The following AUTS2 variants were observed in gnomAD, a reference collection of about 807,000 sequenced individuals.
AUTS2 encodes activator of transcription and developmental regulator AUTS2, also known as autism susceptibility gene 2 protein.
A neutral mutation model predicts 112.4 loss-of-function variants in AUTS2; 17 were observed. The observed-to-expected ratio is 0.15, with a 90% confidence interval of 0.10 to 0.23. The LOEUF is 0.23. Among genes scored for constraint, AUTS2 ranks in the 10% least tolerant of loss-of-function variants. The probability of loss-of-function intolerance (pLI) is 1.00; values close to 1 mark genes in which losing one functional copy is unlikely to be tolerated. For synonymous variants in AUTS2, 751 were observed against 702.7 expected (o/e 1.07, Z -1.09); for missense variants, 1,510 against 1,701.6 (o/e 0.89, Z 1.98).
At chr7:70,416,478 A>G (rs1213969595) in intron 4 of AUTS2, among the ~76,000 whole-genome samples, 7 of 152,128 alleles carry the variant, frequency 4.6e-5, no homozygotes, top group African/African-American at 1.7e-4. Flanking sequence ...CCCAAGCTCA[A>G]TGCTCTCTCT....
chr7:70,312,742 T>C (rs1192253437), intron 4 of AUTS2, among the ~76,000 whole-genome samples: 1 of 152,208 alleles, frequency 6.6e-6, no homozygotes, highest in African/African-American at 2.4e-5. Context: ...CCAGTACAAC[T>C]TTCTGTCACA....
intron 2 of AUTS2, among the ~76,000 whole-genome samples, chr7:70,085,061 G>A (rs1366733020): frequency 6.6e-6 from 1 of 152,032 alleles, no homozygotes; most frequent in Non-Finnish European, 1.5e-5. Flanking sequence ...CTTTTTTGTA[G>A]AGATAGGGTT....
chr7:70,197,496 G>A (rs1164677377), intron 4 of AUTS2, among the ~76,000 whole-genome samples: 3 of 135,882 alleles, frequency 2.2e-5, no homozygotes, highest in African/African-American at 5.6e-5. Flanking sequence ...CACCGTGCGC[G>A]AGCCGAAGCA....
chr7:70,275,297 A>G (rs1162568869), intron 4 of AUTS2, among the ~76,000 whole-genome samples: 1 of 152,192 alleles, frequency 6.6e-6, no homozygotes, highest in Non-Finnish European at 1.5e-5. Context: ...ATTGAAATAA[A>G]CTACACACAA....
chr7:70,187,472 T>C (rs1379740874), intron 4 of AUTS2, among the ~76,000 whole-genome samples: 2 of 152,192 alleles, frequency 1.3e-5, no homozygotes, highest in African/African-American at 4.8e-5. Context: ...CTTTCAGATA[T>C]ATATAAACTA....
chr7:69,943,696 A>G (rs1394792375), intron 2 of AUTS2, among the ~76,000 whole-genome samples: 1 of 152,196 alleles, frequency 6.6e-6, no homozygotes, highest in East Asian at 1.9e-4. Flanking sequence ...CAAATTTTCC[A>G]TTTACTAAGA....
intron 1 of AUTS2, among the ~76,000 whole-genome samples, chr7:69,841,461 C>T (rs1423932166): frequency 6.6e-6 from 1 of 152,124 alleles, no homozygotes; most frequent in Non-Finnish European, 1.5e-5. Context: ...AAACACCTCC[C>T]ACCACCAGCA....
intron 2 of AUTS2, among the ~76,000 whole-genome samples, chr7:70,117,507 G>T (rs981675621): frequency 1.3e-5 from 2 of 151,520 alleles, no homozygotes; most frequent in African/African-American, 4.8e-5. Flanking sequence ...TTTCATTATT[G>T]AAAAAAAATT....
At chr7:69,954,173 G>A (rs117145867) in intron 2 of AUTS2, among the ~76,000 whole-genome samples, 188 of 152,182 alleles carry the variant, frequency 1.2e-3, no homozygotes, top group Non-Finnish European at 1.7e-3. Context: ...CATAGTTACC[G>A]CTTTTCTTTT....
intron 4 of AUTS2, among the ~76,000 whole-genome samples, chr7:70,216,498 G>A (rs1045444500): frequency 6.6e-6 from 1 of 151,894 alleles, no homozygotes; most frequent in African/African-American, 2.4e-5. Flanking sequence ...CCTTCCTCCC[G>A]CTAGGCCTTA....
At position 69,729,994 on chromosome 7, in the gene AUTS2, A is replaced by ATTTTTTTTTTTT. The variant is rs10684331; in HGVS notation, c.309+130046_309+130057dup. 1.0e-3 allele frequency among the ~76,000 whole-genome samples: 57 copies of ATTTTTTTTTTTT among 56,758 alleles called. 4 individuals are homozygous for ATTTTTTTTTTTT. Among genetic ancestry groups the ATTTTTTTTTTTT allele is most frequent in the African/African-American group, 3.3e-3 (39 of 11,880 alleles). 37.2% of individuals were successfully genotyped at this position (56,758 alleles called of 152,430 possible). A position where few individuals can be genotyped will look rare whatever the true frequency, so the allele number is the denominator to read the frequency against. On this transcript the variant is annotated intron_variant, in intron 1 of 18. Coordinates refer to ENST00000342771, the MANE Select transcript of AUTS2 (RefSeq NM_015570.4). ...GTTTTTTTTTGTTGTTGTTGTTTTAATTTTTTTTTTTTTTTTTTTTTTTTT... is the reference window on the plus strand; with the variant it reads ...GTTTTTTTTTGTTGTTGTTGTTTTAATTTTTTTTTTTTTTTTTTTTTTTTTTTTTTTTTTTTT...
chr7:69,672,545 T>C (rs1254774768), intron 1 of AUTS2, among the ~76,000 whole-genome samples: 1 of 152,220 alleles, frequency 6.6e-6, no homozygotes. Flanking sequence ...GTCAAGATCA[T>C]GTGTCTCACC....
intron 4 of AUTS2, among the ~76,000 whole-genome samples, chr7:70,144,151 C>T (rs1207416433): frequency 6.6e-6 from 1 of 152,014 alleles, no homozygotes; most frequent in African/African-American, 2.4e-5. Flanking sequence ...AGAACATTTG[C>T]CTCTTACCAT....
intron 4 of AUTS2, among the ~76,000 whole-genome samples, chr7:70,239,236 C>CCA (rs1442033430): frequency 6.6e-6 from 1 of 152,144 alleles, no homozygotes; most frequent in Non-Finnish European, 1.5e-5. Context: ...TTGGGGCAGG[C>CCA]CACATCAGGT....
At chr7:70,761,037 A>G (rs1440652667) in intron 6 of AUTS2, among the ~76,000 whole-genome samples, 2 of 152,226 alleles carry the variant, frequency 1.3e-5, no homozygotes, top group Non-Finnish European at 2.9e-5. Context: ...GCTTTTGTGC[A>G]TGTTATCGGT....
intron 5 of AUTS2, among the ~76,000 whole-genome samples, chr7:70,441,478 T>C (rs1367782228): frequency 6.6e-6 from 1 of 152,156 alleles, no homozygotes; most frequent in Non-Finnish European, 1.5e-5. Flanking sequence ...CTCGAACTCC[T>C]GGACTCAAGC....
intron 3 of AUTS2, among the ~76,000 whole-genome samples, chr7:70,132,164 TAAAAAAAAA>T (rs200482728): frequency 1.9e-5 from 2 of 102,596 alleles, no homozygotes; most frequent in African/African-American, 3.7e-5. Flanking sequence ...TCTTTTCCCT[TAAAAAAAAA>T]AAAAAAAAAA....
At chr7:70,330,407 G>A (rs1790688640) in intron 4 of AUTS2, among the ~76,000 whole-genome samples, 1 of 152,094 alleles carries the variant, frequency 6.6e-6, no homozygotes, top group Non-Finnish European at 1.5e-5. Context: ...AAATAGCTTA[G>A]GCATCTTGTT....
intron 4 of AUTS2, among the ~76,000 whole-genome samples, chr7:70,316,008 G>A (rs546026885): frequency 6.6e-6 from 1 of 152,288 alleles, no homozygotes; most frequent in South Asian, 2.1e-4. Context: ...TAGCCAATCT[G>A]TAGCTCAGGG....
Sources: allele counts gnomAD v4.1 joint callset (sites outside exome capture counted in the v4.1 genomes callset), GRCh38; gene constraint gnomAD v4.1.1; transcripts MANE v1.5; gene names NCBI Gene and HGNC (gene_info 2026-07-23, HGNC 2026-07-21).